ATAD2B: variants seen among roughly 807,000 people sequenced by gnomAD.
ATAD2B encodes the protein ATPase family AAA domain containing 2B, also known as ATPase family AAA domain-containing protein 2B.
In ATAD2B, 40 loss-of-function variants were observed where a neutral mutation model predicts 167.6. That is an observed-to-expected ratio of 0.24 (90% confidence interval 0.19 to 0.31). The LOEUF is 0.31. ATAD2B is among the 10% of genes least tolerant of loss of function. The pLI, the probability that ATAD2B is intolerant of heterozygous loss-of-function variation, is 1.00. For synonymous variants in ATAD2B, 579 were observed against 596.5 expected, an observed-to-expected ratio of 0.97 and a Z score of 0.43; for missense variants, 1,242 against 1,757.2, an observed-to-expected ratio of 0.71 and a Z score of 5.24.
At chr2:23,782,813 C>T (rs75800664) in intron 22 of ATAD2B, 56 bp downstream of exon 22, 45,148 of 1,449,588 alleles carry the variant, frequency 0.031, 910 homozygotes, top group South Asian at 0.061. Flanking sequence ...AGTATTTAAA[C>T]GGTAAACTGT....
the ATAD2B span, among the ~76,000 whole-genome samples, chr2:23,735,530 C>T: frequency 4.6e-5 from 7 of 152,298 alleles, no homozygotes; most frequent in East Asian, 1.9e-4. Flanking sequence ...CCTCCACTCT[C>T]GCCTTCTTTT....
intron 13 of ATAD2B, among the ~76,000 whole-genome samples, chr2:23,841,393 T>C (rs1007231711): frequency 3.3e-5 from 5 of 152,230 alleles, no homozygotes; most frequent in Admixed American, 2.6e-4. Flanking sequence ...TTTTACACTA[T>C]TTAACTATTG....
the ATAD2B span, among the ~76,000 whole-genome samples, chr2:23,739,502 C>G: frequency 2.0e-5 from 3 of 151,860 alleles, no homozygotes; most frequent in East Asian, 5.8e-4. Context: ...TTGAAACCAA[C>G]GAGAACAAAG....
At chr2:23,801,752 C>T (rs928581561) in intron 18 of ATAD2B, among the ~76,000 whole-genome samples, 1 of 151,930 alleles carries the variant, frequency 6.6e-6, no homozygotes, top group African/African-American at 2.4e-5. Flanking sequence ...CAAACTACTT[C>T]CTCTAAATAT....
At chr2:23,685,866 T>A in the ATAD2B span, among the ~76,000 whole-genome samples, 5 of 152,154 alleles carry the variant, frequency 3.3e-5, no homozygotes, top group Non-Finnish European at 7.4e-5. Context: ...GGATCATGGA[T>A]GAGCGTCCTA....
chr2:23,737,286 G>A, the ATAD2B span, among the ~76,000 whole-genome samples: 1 of 152,156 alleles, frequency 6.6e-6, no homozygotes, highest in African/African-American at 2.4e-5. Flanking sequence ...ACCCTAACTG[G>A]GAGGCACTCC....
Position 23,774,824 on chromosome 2 carries a change from C to T in ATAD2B, c.3133+8045G>A, listed in dbSNP as rs141420343. Among the ~76,000 whole-genome samples the T allele has an allele frequency of 4.6e-5, 7 of 152,260 alleles. No individual in the cohort carries two copies. The East Asian group carries it at 1.2e-3, about 25-fold the overall frequency. On this transcript the variant is annotated intron_variant, in intron 22 of 27. Transcript: ENST00000238789. ...CTGAGGCAGGAGAATCGCTTGAACC[C>T]GGGAGGCGGGGATTGCAGTGAGCTG... is the stretch of plus-strand genomic sequence containing the variant.
At chr2:23,804,806 C>A (rs1684096602) in intron 18 of ATAD2B, among the ~76,000 whole-genome samples, 2 of 151,532 alleles carry the variant, frequency 1.3e-5, no homozygotes, top group Admixed American at 6.6e-5. Context: ...CCATAAGGAA[C>A]AACTATAAAC....
At chr2:23,729,634 TG>T in the ATAD2B span, among the ~76,000 whole-genome samples, 2 of 152,114 alleles carry the variant, frequency 1.3e-5, no homozygotes, top group East Asian at 3.9e-4. Context: ...GCACTAAATT[TG>T]TTGTAATTTT....
At chr2:23,905,248 T>C (rs752564808) in intron 1 of ATAD2B, among the ~76,000 whole-genome samples, 2 of 152,224 alleles carry the variant, frequency 1.3e-5, no homozygotes, top group Non-Finnish European at 2.9e-5. Flanking sequence ...TCAGGCATGA[T>C]AGCTCATATC....
chr2:23,866,420 G>C (rs1467581895), intron 10 of ATAD2B, among the ~76,000 whole-genome samples: 4 of 151,892 alleles, frequency 2.6e-5, no homozygotes, highest in Non-Finnish European at 5.9e-5. Context: ...ACAAAAAAAA[G>C]AGAAAAAGAA....
Position 23,819,978 on chromosome 2 carries a change from G to T in ATAD2B, c.2132-96C>A. ...GAAAAATTGGGTTAAAAAATCAAAT[G>T]ACATTAATAAGTTATCTATCAAATA... On this transcript the variant is annotated intron_variant, in intron 16 of 27. Coordinates refer to ENST00000238789, the MANE Select transcript of ATAD2B (RefSeq NM_017552.4). The T allele has an allele frequency of 3.7e-6, 3 of 806,280 alleles. No homozygotes were observed. The East Asian group carries it at 8.2e-5, about 22-fold the overall frequency. The allele number at this position is 806,280 out of a possible 1,614,324, so 49.9% of individuals were successfully genotyped here.
At chr2:23,882,615 T>A (rs1698096776) in intron 6 of ATAD2B, among the ~76,000 whole-genome samples, 2 of 150,720 alleles carry the variant, frequency 1.3e-5, no homozygotes, top group Non-Finnish European at 2.9e-5. Flanking sequence ...GAGACCATCC[T>A]GGCTAACACA....
At position 23,894,323 on chromosome 2, in the gene ATAD2B, A is replaced by C. The variant is rs560689695; in HGVS notation, c.368+1496T>G. 2.6e-5 allele frequency among the ~76,000 whole-genome samples: 4 copies of C among 152,186 alleles called. No individual in the cohort carries two copies. The South Asian group carries it at 8.3e-4, about 32-fold the overall frequency. On this transcript the variant is annotated intron_variant, in intron 2 of 27. Transcript: ENST00000238789. Reference sequence around the variant, plus strand: ...ATGGAGAAACCCTGTCTCTACAAAAAATACAAAATTAGCTGGGCGTGGTGG... The same window carrying C: ...ATGGAGAAACCCTGTCTCTACAAAACATACAAAATTAGCTGGGCGTGGTGG...
chr2:23,857,362 A>T, intron 13 of ATAD2B, 53 bp downstream of exon 13: 1 of 1,010,704 alleles, frequency 9.9e-7, no homozygotes, highest in Non-Finnish European at 1.4e-6. Context: ...AAGGCTAACT[A>T]CCAAGTCAAT....
rs535513748 is a variant in ATAD2B, at chr2:23,795,543, T to C, written c.2640+2595A>G. On this transcript the variant is annotated intron_variant, in intron 19 of 27. Coordinates refer to ENST00000238789, the MANE Select transcript of ATAD2B (RefSeq NM_017552.4). ...CATTCATTCACCAAATATTTATCAATATGTGCTAAATATTAGAGATTACTA... is the reference window on the plus strand; with the variant it reads ...CATTCATTCACCAAATATTTATCAACATGTGCTAAATATTAGAGATTACTA... Among the ~76,000 whole-genome samples, 5 of 152,276 alleles carry C rather than the reference T, an allele frequency of 3.3e-5. No homozygotes were observed. The South Asian group carries it at 6.2e-4, about 19-fold the overall frequency.
At chr2:23,774,478 A>G (rs1678787379) in intron 22 of ATAD2B, among the ~76,000 whole-genome samples, 1 of 152,076 alleles carries the variant, frequency 6.6e-6, no homozygotes, top group South Asian at 2.1e-4. Flanking sequence ...AAACAGAAAA[A>G]CATTTTAACT....
At chr2:23,918,108 T>G (rs1703321642) in intron 1 of ATAD2B, among the ~76,000 whole-genome samples, 1 of 150,176 alleles carries the variant, frequency 6.7e-6, no homozygotes, top group Non-Finnish European at 1.5e-5. Context: ...AGCTCACTCC[T>G]GTAATCCCAC....
the ATAD2B span, among the ~76,000 whole-genome samples, chr2:23,738,217 T>C: frequency 3.4e-4 from 51 of 152,226 alleles, no homozygotes; most frequent in African/African-American, 1.1e-3. Context: ...AGATAGTCCT[T>C]GAGAAGAGCA....
Sources: gnomAD v4.1 joint callset for allele counts (sites outside exome capture counted in the v4.1 genomes callset) on GRCh38, gnomAD v4.1.1 for gene constraint, MANE v1.5 for transcripts, NCBI Gene and HGNC (gene_info 2026-07-23, HGNC 2026-07-21) for gene names.